Variants in RSRP1 observed in about 807,000 individuals in gnomAD.
RSRP1 encodes the protein arginine and serine rich protein 1.
RSRP1 carries 37 observed loss-of-function variants against 33.0 expected under a neutral mutation model. The ratio of observed to expected loss-of-function variants is 1.12; its 90% CI spans 0.86 to 1.48. The LOEUF (loss-of-function observed/expected upper bound fraction) is 1.48. Among genes scored for constraint, RSRP1 ranks in the 40% most tolerant of loss-of-function variants. The probability of loss-of-function intolerance (pLI) is 0.00; values close to 1 mark genes in which losing one functional copy is unlikely to be tolerated. For missense variants in RSRP1, 402 were observed against 385.3 expected (o/e 1.04, Z -0.36); for synonymous variants, 167 against 158.7 (o/e 1.05, Z -0.40).
chr1:25,261,101 C>A (rs1194605414), intron 1 of RSRP1, among the ~76,000 whole-genome samples: 1 of 151,906 alleles, frequency 6.6e-6, no homozygotes, highest in Non-Finnish European at 1.5e-5. Context: ...CACCCGGCCT[C>A]TTTCTCTTCT....
At chr1:25,254,601 AT>A in intron 1 of RSRP1, among the ~76,000 whole-genome samples, 1 of 151,786 alleles carries the variant, frequency 6.6e-6, no homozygotes, top group East Asian at 1.9e-4. Context: ...ATGCCAAGTA[AT>A]TTTTTGTATT....
intron 1 of RSRP1, among the ~76,000 whole-genome samples, chr1:25,322,411 G>C (rs1462918950): frequency 1.5e-5 from 2 of 133,208 alleles, no homozygotes; most frequent in African/African-American, 2.6e-5. Flanking sequence ...GGTGGCTCAC[G>C]CCTGTGATCC....
At chr1:25,261,407 T>C (rs111448224) in intron 1 of RSRP1, among the ~76,000 whole-genome samples, 2,174 of 141,894 alleles carry the variant, frequency 0.015, 46 homozygotes, top group African/African-American at 0.052. Context: ...GATTTCTTTC[T>C]TTTTTTTTTT....
intron 1 of RSRP1, among the ~76,000 whole-genome samples, chr1:25,256,916 C>G (rs1275244546): frequency 1.3e-5 from 2 of 152,204 alleles, no homozygotes; most frequent in South Asian, 2.1e-4. Flanking sequence ...GTTACCTTCA[C>G]TTGCTTTCCT....
In RSRP1 at chr1:25,280,605, CTTTTTT is replaced by C. The variant is rs71014346; in HGVS notation, c.-66-33582_-66-33577del. Among the ~76,000 whole-genome samples, 2 of 60,734 alleles carry C rather than the reference CTTTTTT, an allele frequency of 3.3e-5. 1 individual carries two copies. Among genetic ancestry groups the C allele is most frequent in the Non-Finnish European group, 8.1e-5 (2 of 24,542 alleles). The allele number at this position is 60,734 out of a possible 152,430, so 39.8% of individuals were successfully genotyped here. A position where few individuals can be genotyped will look rare whatever the true frequency, so the allele number is the denominator to read the frequency against. On this transcript the variant is annotated intron_variant, in intron 1 of 1. Transcript: ENST00000561867. Reference sequence around the variant, plus strand: ...ACAGACATAAGCCACTGTGCCTGGCCTTTTTTTTTTTTTTTTTTTTGTAAACAGGGT... The same window carrying C: ...ACAGACATAAGCCACTGTGCCTGGCCTTTTTTTTTTTTTTGTAAACAGGGT...
At position 25,273,134 on chromosome 1, in the gene RSRP1, C is replaced by T. The variant is rs1211224826; in HGVS notation, c.-66-26105G>A. 2.3e-5 allele frequency among the ~76,000 whole-genome samples: 3 copies of T among 129,482 alleles called. No individual in the cohort carries two copies. The East Asian group carries it at 5.9e-4, about 25-fold the overall frequency. The allele number at this position is 129,482 out of a possible 152,430, so 84.9% of individuals were successfully genotyped here. On this transcript the variant is annotated intron_variant, in intron 1 of 1. Transcript: ENST00000561867. ...TTTGTTTCCTTTTTGTGGCCTCTCG[C>T]TCATTTCTTATTTCTTTTTGAGGCA...
rs1639402364 is a variant in RSRP1 at position 25,246,450 on chromosome 1, C to T, written c.514G>A (p.Glu172Lys). 1 of 1,612,006 alleles carries T rather than the reference C, an allele frequency of 6.2e-7. No homozygotes were observed. The highest frequency in any genetic ancestry group is 1.3e-5 in the African/African-American group (1 of 74,866). Residue 172 changes from glutamate (E) to lysine (K), a missense_variant, in exon 2 of 5, where the codon GAA becomes AAA. Coordinates refer to ENST00000243189, the MANE Select transcript of RSRP1 (RefSeq NM_020317.5). ...AGGTAAATGACCCACCCACCTTTTT[C>T]ACTTAAGCGAAAGGGGGTTCTGCTC... ...SRSRTPFRLS[E>K]KDRMELLEIA...
At chr1:25,293,818 T>C (rs1642716169) in intron 1 of RSRP1, among the ~76,000 whole-genome samples, 1 of 132,250 alleles carries the variant, frequency 7.6e-6, no homozygotes, top group African/African-American at 2.6e-5. Context: ...TATGGAAATT[T>C]GATCATGTAC....
At chr1:25,289,786 A>G (rs1461787607) in intron 1 of RSRP1, among the ~76,000 whole-genome samples, 1 of 127,660 alleles carries the variant, frequency 7.8e-6, no homozygotes, top group Non-Finnish European at 1.8e-5. Flanking sequence ...TTCTTAGTTG[A>G]CAGGCTCATG....
At chr1:25,279,883 C>A (rs953599427) in intron 1 of RSRP1, among the ~76,000 whole-genome samples, 1 of 129,466 alleles carries the variant, frequency 7.7e-6, no homozygotes, top group African/African-American at 2.7e-5. Context: ...ACCTTAGAGC[C>A]CATCAGCTTA....
chr1:25,313,920 A>C (rs1318137347), intron 1 of RSRP1, among the ~76,000 whole-genome samples: 1 of 133,240 alleles, frequency 7.5e-6, no homozygotes, highest in African/African-American at 2.6e-5. Context: ...AGAATCTAAG[A>C]AAAGATAGTT....
chr1:25,336,535 G>A (rs1205974557), intron 1 of RSRP1: 1 of 147,330 alleles, frequency 6.8e-6, no homozygotes, highest in African/African-American at 2.7e-5. Context: ...TTATTAGTAA[G>A]AGTAATATAA....
In RSRP1 at chr1:25,307,695, G is replaced by A. The variant is rs1328249813; in HGVS notation, c.-67+30283C>T. 8.4e-6 allele frequency: 11 copies of A among 1,307,526 alleles called. 4 individuals carry two copies. The Admixed American group carries it at 1.5e-4, about 18-fold the overall frequency. The allele number at this position is 1,307,526 out of a possible 1,614,324, so 81.0% of individuals were successfully genotyped here. ...TAAAAATGGCTGAAGCAGGTGATGAGGAGCTGATGCGTTTGGACGTGTCTC... is the reference window on the plus strand; with the variant it reads ...TAAAAATGGCTGAAGCAGGTGATGAAGAGCTGATGCGTTTGGACGTGTCTC... On this transcript the variant is annotated intron_variant, in intron 1 of 1. Coordinates refer to the RSRP1 transcript ENST00000561867.
chr1:25,243,366 T>TTA (rs1557480386), intron 4 of RSRP1, among the ~76,000 whole-genome samples, 184 bp downstream of exon 4: 1 of 152,216 alleles, frequency 6.6e-6, no homozygotes, highest in Non-Finnish European at 1.5e-5. Flanking sequence ...AACGTGAATG[T>TTA]TATATATATT....
At position 25,242,592 on chromosome 1, in the gene RSRP1, GATA is replaced by G; in HGVS notation, c.867_869del (p.Ile290del). Reference sequence around the variant, plus strand: ...CTTAGCCATCAGTTTTCTTCTTTTAGATAGGTATCCACAGTCCATATGGACTTT... The same window carrying G: ...CTTAGCCATCAGTTTTCTTCTTTTAGGGTATCCACAGTCCATATGGACTTT... On this transcript the variant is annotated inframe_deletion, in exon 5 of 5. Transcript: ENST00000243189. 1.3e-6 allele frequency: 2 copies of G among 1,568,950 alleles called. No homozygotes were observed. The highest frequency in any genetic ancestry group is 1.7e-6 in the Non-Finnish European group (2 of 1,151,462).
Position 25,246,427 on chromosome 1 carries a change from G to A in RSRP1, c.520+17C>T, listed in dbSNP as rs774008611. 1.9e-6 allele frequency: 3 copies of A among 1,610,282 alleles called. No individual in the cohort carries two copies. Among genetic ancestry groups the A allele is most frequent in the East Asian group, 2.2e-5 (1 of 44,804 alleles). On this transcript the variant is annotated intron_variant, in intron 2 of 4. Transcript: ENST00000243189. Reference sequence around the variant, plus strand: ...ACCATACATTACCACAAATGGAAAGGTAAATGACCCACCCACCTTTTTCAC... The same window carrying A: ...ACCATACATTACCACAAATGGAAAGATAAATGACCCACCCACCTTTTTCAC...
chr1:25,280,219 C>T lies in RSRP1; in HGVS notation c.-66-33190G>A, dbSNP rs1354548916. Reference sequence around the variant, plus strand: ...GAGCCTTGGGGAGGAAGGCCCTGAGCGCGTATACCTGGAATCAGGGAATCG... The same window carrying T: ...GAGCCTTGGGGAGGAAGGCCCTGAGTGCGTATACCTGGAATCAGGGAATCG... On this transcript the variant is annotated intron_variant, in intron 1 of 1. Transcript: ENST00000561867. Among the ~76,000 whole-genome samples the T allele has an allele frequency of 4.7e-5, 6 of 126,828 alleles. 2 individuals are homozygous for T. In the South Asian group the frequency reaches 9.5e-4, roughly 20 times the overall value. 83.2% of individuals were successfully genotyped at this position (126,828 alleles called of 152,430 possible).
upstream of RSRP1, among the ~76,000 whole-genome samples, chr1:25,252,078 T>G (rs535075785): frequency 6.6e-6 from 1 of 152,012 alleles, no homozygotes; most frequent in East Asian, 1.9e-4. Flanking sequence ...TGTTGTTGTT[T>G]TGTGAGACAG....
chr1:25,290,551 GA>G (rs1642399718), intron 1 of RSRP1: 1 of 1,121,398 alleles, frequency 8.9e-7, no homozygotes, highest in African/African-American at 1.6e-5. Context: ...AGTGTTTGTT[GA>G]AAGAATGAAT....
Sources: allele counts gnomAD v4.1 joint callset (sites outside exome capture counted in the v4.1 genomes callset), GRCh38; gene constraint gnomAD v4.1.1; transcripts MANE v1.5; gene names NCBI Gene and HGNC (gene_info 2026-07-23, HGNC 2026-07-21).